The following KIRREL3 variants were observed in gnomAD, a reference collection of about 807,000 sequenced individuals.
KIRREL3 encodes kin of IRRE-like protein 3.
KIRREL3 carries 36 observed loss-of-function variants against 89.7 expected under a neutral mutation model. The observed-to-expected ratio is 0.40, with a 90% CI of 0.31 to 0.53. The LOEUF (loss-of-function observed/expected upper bound fraction) is 0.53. Ranked by LOEUF, KIRREL3 falls within the 20% of genes least tolerant of loss-of-function variation. The pLI, the probability that KIRREL3 is intolerant of heterozygous loss-of-function variation, is 0.49. For missense variants in KIRREL3, 864 were observed against 1,056.6 expected (o/e 0.82, Z 2.53); for synonymous variants, 445 against 441.4 (o/e 1.01, Z -0.10).
In KIRREL3 at chr11:126,522,827, C is replaced by T. The variant is rs12291302; in HGVS notation, c.284-1363G>A. On this transcript the variant is annotated intron_variant, in intron 3 of 16. Transcript: ENST00000525144. This position sits in a 1 kb window ranked among gnomAD's most constrained non-coding sequence, Gnocchi z 6.0. The stretch of plus-strand genomic sequence containing the variant: ...GTTCCCTTCTCTCCTCAGAGGCTGC[C>T]CTCGGCTTCCACTCCCCTCTGGCAG... Among the ~76,000 whole-genome samples, 40,630 of 152,138 alleles carry T rather than the reference C, an allele frequency of 0.27. 6,517 individuals are homozygous for T. Among genetic ancestry groups the T allele is most frequent in the African/African-American group, 0.44 (18,294 of 41,480 alleles).
At chr11:126,680,322 A>C (rs1310315132) in intron 1 of KIRREL3, among the ~76,000 whole-genome samples, 1 of 152,104 alleles carries the variant, frequency 6.6e-6, no homozygotes, top group African/African-American at 2.4e-5. Flanking sequence ...GTGCCAGCTA[A>C]TGGTACTTAG....
At chr11:126,447,537 G>T (rs554365152) in intron 8 of KIRREL3, among the ~76,000 whole-genome samples, 1 of 152,206 alleles carries the variant, frequency 6.6e-6, no homozygotes, top group South Asian at 2.1e-4. Flanking sequence ...TCTGTGTCAC[G>T]CCCATTGCAG....
At chr11:126,846,468 T>A (rs1036356927) in intron 1 of KIRREL3, among the ~76,000 whole-genome samples, 3 of 152,230 alleles carry the variant, frequency 2.0e-5, no homozygotes, top group African/African-American at 7.2e-5. Context: ...TTAGGTCACA[T>A]GACTTCAGTA....
intron 4 of KIRREL3, among the ~76,000 whole-genome samples, chr11:126,506,776 A>ATT (rs1958029966): frequency 7.8e-6 from 1 of 127,626 alleles, no homozygotes; most frequent in Non-Finnish European, 1.6e-5. Context: ...TCATAGCAAC[A>ATT]ATTTTTTTTT....
In KIRREL3 at chr11:126,991,099, T is replaced by C. The variant is rs1950022536; in HGVS notation, c.55+9356A>G. Among the ~76,000 whole-genome samples the C allele has an allele frequency of 6.6e-6, 1 of 152,198 alleles. No individual in the cohort carries two copies. Among genetic ancestry groups the C allele is most frequent in the African/African-American group, 2.4e-5 (1 of 41,446 alleles). ...TGCATTAAAGAACAGAAGGACGCGATGGTTTCCTGTTGAAGCTGAGCAGTG... is the reference window on the plus strand; with the variant it reads ...TGCATTAAAGAACAGAAGGACGCGACGGTTTCCTGTTGAAGCTGAGCAGTG... On this transcript the variant is annotated intron_variant, in intron 1 of 16. Coordinates refer to ENST00000525144, the MANE Select transcript of KIRREL3 (RefSeq NM_032531.4). The surrounding 1 kb of genome is among the most constrained non-coding windows in gnomAD (Gnocchi z 5.8).
Position 126,450,245 on chromosome 11 carries a change from G to T in KIRREL3, c.849-1088C>A, listed in dbSNP as rs529505153. On this transcript the variant is annotated intron_variant, in intron 7 of 16. Coordinates refer to ENST00000525144, the MANE Select transcript of KIRREL3 (RefSeq NM_032531.4). ...TGTGTGCACGTGTGCATATGAATATGCATGTGTGAGTGTGCCTGTGTGTGC... is the reference window on the plus strand; with the variant it reads ...TGTGTGCACGTGTGCATATGAATATTCATGTGTGAGTGTGCCTGTGTGTGC... Among the ~76,000 whole-genome samples, 5 of 148,824 alleles carry T rather than the reference G, an allele frequency of 3.4e-5. No homozygotes were observed. The East Asian group carries it at 9.6e-4, about 29-fold the overall frequency.
chr11:126,674,985 C>A (rs1254644582), intron 1 of KIRREL3, among the ~76,000 whole-genome samples: 2 of 152,212 alleles, frequency 1.3e-5, no homozygotes, highest in Admixed American at 6.5e-5. Flanking sequence ...ATTTGCCTCA[C>A]GTCAAGAGGA....
chr11:126,448,517 C>T (rs756170439), intron 8 of KIRREL3, among the ~76,000 whole-genome samples: 6 of 152,148 alleles, frequency 3.9e-5, no homozygotes, highest in Non-Finnish European at 7.4e-5. Context: ...CCCTGCAATT[C>T]GTAAATTGAA....
At position 126,923,360 on chromosome 11, in the gene KIRREL3, TCTCCTTCTC is replaced by T. The variant is rs1253560986; in HGVS notation, c.55+77086_55+77094del. 6.4e-5 allele frequency among the ~76,000 whole-genome samples: 4 copies of T among 62,720 alleles called. No individual in the cohort carries two copies. In the East Asian group the frequency reaches 1.1e-3, roughly 17 times the overall value. 41.1% of individuals were successfully genotyped at this position (62,720 alleles called of 152,430 possible). A position where few individuals can be genotyped will look rare whatever the true frequency, so the allele number is the denominator to read the frequency against. On this transcript the variant is annotated intron_variant, in intron 1 of 16. Transcript: ENST00000525144. The stretch of plus-strand genomic sequence containing the variant: ...TCTCCTTCTCCTTCTTCCTTCTCCT[TCTCCTTCTC>T]CTTCTTCCTTCTTCTTCTTCCTCTT...
chr11:126,631,982 C>G (rs894393481), intron 1 of KIRREL3, among the ~76,000 whole-genome samples: 1 of 152,102 alleles, frequency 6.6e-6, no homozygotes, highest in Non-Finnish European at 1.5e-5. Context: ...AAACCCCTCA[C>G]TCTTGGGTTC....
At chr11:126,447,874 C>T (rs745424758) in intron 8 of KIRREL3, among the ~76,000 whole-genome samples, 1 of 152,178 alleles carries the variant, frequency 6.6e-6, no homozygotes, top group African/African-American at 2.4e-5. Flanking sequence ...TTTGTAAAAG[C>T]AAGTTTAAAA....
chr11:126,735,139 T>C (rs3862642), intron 1 of KIRREL3, among the ~76,000 whole-genome samples: 97,199 of 152,042 alleles, frequency 0.64, 31,544 homozygotes, highest in East Asian at 0.95. Context: ...TCAGTTCTAC[T>C]AATTGCTAGT....
At chr11:126,446,274 C>T (rs12806928) in intron 9 of KIRREL3, among the ~76,000 whole-genome samples, 6 of 128,148 alleles carry the variant, frequency 4.7e-5, no homozygotes, top group African/African-American at 1.8e-4. Flanking sequence ...CTCTCTCTTT[C>T]TTTTCTTTCT....
rs751481300 is a variant in KIRREL3, at chr11:126,436,946, T to C, written c.1417A>G (p.Ile473Val). The change falls in exon 12 of 17, where the codon ATC (isoleucine) becomes GTC (valine). Residue 473 changes from isoleucine to valine, a missense_variant. Transcript: ENST00000525144. ...GTSGRYTVET[I>V]STEEGVISTL... ...GAGATGACGCCCTCCTCGGTGCTGA[T>C]GGTCTCCACCGTATAGCGCCCCGAT... 4 of 1,610,830 alleles carry C rather than the reference T, an allele frequency of 2.5e-6. No individual in the cohort carries two copies. The South Asian group carries it at 3.3e-5, about 13-fold the overall frequency.
chr11:126,815,312 G>C (rs1946058), intron 1 of KIRREL3, among the ~76,000 whole-genome samples: 2 of 151,982 alleles, frequency 1.3e-5, no homozygotes, highest in Middle Eastern at 3.4e-3. Context: ...GGCAAGCCTA[G>C]TGAATGAGTC....
rs370303082 is a variant in KIRREL3, at chr11:126,658,635, G to A, written c.56-95723C>T. Among the ~76,000 whole-genome samples the A allele has an allele frequency of 3.9e-5, 6 of 152,230 alleles. No individual in the cohort carries two copies. The East Asian group carries it at 7.7e-4, about 20-fold the overall frequency. On this transcript the variant is annotated intron_variant, in intron 1 of 16. Transcript: ENST00000525144. ...CTGGATATACTTTAATTACTGACTC[G>A]GAGAGCTTTCCTGAATGGGATCTGC...
At chr11:126,789,494 G>T (rs76265288) in intron 1 of KIRREL3, among the ~76,000 whole-genome samples, 3,525 of 152,166 alleles carry the variant, frequency 0.023, 139 homozygotes, top group African/African-American at 0.081. Flanking sequence ...ATTGGAAAAA[G>T]TTGTCTGTAC....
At chr11:126,460,385 T>C (rs943899143) in intron 6 of KIRREL3, among the ~76,000 whole-genome samples, 2 of 152,112 alleles carry the variant, frequency 1.3e-5, no homozygotes, top group Non-Finnish European at 2.9e-5. Flanking sequence ...ACTGCAACCT[T>C]AGGAGGTAAG....
At chr11:126,546,731 G>A (rs115625022) in intron 2 of KIRREL3, among the ~76,000 whole-genome samples, 1 of 152,108 alleles carries the variant, frequency 6.6e-6, no homozygotes, top group Non-Finnish European at 1.5e-5. Flanking sequence ...GGACTGAATT[G>A]GGGCTATTAA....
Sources: allele counts gnomAD v4.1 joint callset (sites outside exome capture counted in the v4.1 genomes callset), GRCh38; gene constraint gnomAD v4.1.1; non-coding constraint Gnocchi (gnomAD v3.1); transcripts MANE v1.5; gene names NCBI Gene and HGNC (gene_info 2026-07-23, HGNC 2026-07-21).